TMED1: variants seen among roughly 807,000 people sequenced by gnomAD.
The protein encoded by TMED1 is transmembrane emp24 domain-containing protein 1.
In TMED1, 20 loss-of-function variants were observed where a neutral mutation model predicts 21.2. The observed-to-expected ratio is 0.95, with a 90% confidence interval of 0.67 to 1.37. The LOEUF (loss-of-function observed/expected upper bound fraction) is 1.37, where lower values mean the gene tolerates loss of function less well. TMED1 is among the 40% of genes most tolerant of loss of function. TMED1 has a pLI of 0.00. For missense variants in TMED1, 316 were observed against 309.8 expected (o/e 1.02, Z -0.15); for synonymous variants, 149 against 134.7 (o/e 1.11, Z -0.74).
chr19:10,833,270 G>A (rs1278081398), intron 3 of TMED1, 57 bp from the exon 4 acceptor site: 1 of 1,487,054 alleles, frequency 6.7e-7, no homozygotes, highest in Admixed American at 1.9e-5. Flanking sequence ...AGGGAGCAGA[G>A]ACCAAAAAAA....
Position 10,835,121 on chromosome 19 carries a change from G to C in TMED1, c.282-4C>G, listed in dbSNP as rs756845552. ...CCCGGCCTCCGTTGGCTCCACCCTG[G>C]GCAGACAGACACACAGACATGACCC... On this transcript the variant is annotated splice_region_variant and splice_polypyrimidine_tract_variant and intron_variant, in intron 2 of 3. Transcript: ENST00000214869. 6.2e-7 allele frequency: 1 copy of C among 1,612,980 alleles called. No homozygotes were observed. The highest frequency in any genetic ancestry group is 1.7e-5 in the Admixed American group (1 of 60,006).
At chr19:10,834,881 C>A (rs2073407163) in intron 3 of TMED1, 53 bp downstream of exon 3, 1 of 1,581,286 alleles carries the variant, frequency 6.3e-7, no homozygotes, top group Non-Finnish European at 8.6e-7. Context: ...GGGGGCACCC[C>A]AGGTGAATCC....
intron 1 of TMED1, chr19:10,835,789 C>A: frequency 1.0e-6 from 1 of 985,252 alleles, no homozygotes. Flanking sequence ...TGGCCCCGCC[C>A]CCTCTGGATC....
In TMED1 at chr19:10,835,063, G is replaced by A; in HGVS notation, c.336C>T (p.Ser112=). 6.2e-7 allele frequency: 1 copy of A among 1,614,238 alleles called. No homozygotes were observed. The change falls in exon 3 of 4, where the codon AGC becomes AGT. Residue 112 remains serine, a synonymous_variant. Coordinates refer to ENST00000214869, the MANE Select transcript of TMED1 (RefSeq NM_006858.4). ...AGAACACCAGCTTCTCGGAGATGGT[G>A]CTGAAGGAGTTGTCAAAGCACAGCT... ...DYKLCFDNSF[S]TISEKLVFFE...
chr19:10,833,854 C>T (rs1326754064), intron 3 of TMED1, among the ~76,000 whole-genome samples: 1 of 152,200 alleles, frequency 6.6e-6, no homozygotes, highest in Admixed American at 6.6e-5. Context: ...TATGATCACA[C>T]CACTGCACTC....
chr19:10,833,299 G>T, intron 3 of TMED1, 86 bp from the exon 4 acceptor site: 2 of 1,144,372 alleles, frequency 1.7e-6, no homozygotes, highest in Non-Finnish European at 1.3e-6. Flanking sequence ...TACGGAGGGA[G>T]GCTGTATTAA....
chr19:10,833,438 T>C (rs2073387328), intron 3 of TMED1: 4 of 584,914 alleles, frequency 6.8e-6, no homozygotes, highest in Non-Finnish European at 1.2e-5. Flanking sequence ...TCTATAAGCT[T>C]CCAAATTGCT....
chr19:10,836,013 T>C lies in TMED1; in HGVS notation c.179A>G (p.Tyr60Cys). 1 of 1,592,068 alleles carries C rather than the reference T, an allele frequency of 6.3e-7. No homozygotes were observed. The highest frequency in any genetic ancestry group is 8.5e-7 in the Non-Finnish European group (1 of 1,170,110). Residue 60 changes from tyrosine (Y) to cysteine (C), a missense_variant, in exon 1 of 4, where the codon TAC becomes TGC. Transcript: ENST00000214869. ...GCCCAGCCCGCGACCCTCTACCTGGTATTCGGTCTCGAGGCTTGCGTTGGC... is the reference window on the plus strand; with the variant it reads ...GCCCAGCCCGCGACCCTCTACCTGGCATTCGGTCTCGAGGCTTGCGTTGGC... ...APANASLETE[Y>C]QVIGGAGLDV...
In TMED1 at chr19:10,835,990, C is replaced by T. The variant is rs1476052898; in HGVS notation, c.183+19G>A. On this transcript the variant is annotated intron_variant, in intron 1 of 3. Coordinates refer to ENST00000214869, the MANE Select transcript of TMED1 (RefSeq NM_006858.4). The stretch of plus-strand genomic sequence containing the variant: ...CCCTCTCCCTGACTCTGCTGGCCGC[C>T]CAGCCCGCGACCCTCTACCTGGTAT... 1.9e-6 allele frequency: 3 copies of T among 1,558,388 alleles called. No homozygotes were observed. The highest frequency in any genetic ancestry group is 1.4e-5 in the African/African-American group (1 of 73,422).
intron 1 of TMED1, 196 bp from the exon 2 acceptor site, chr19:10,835,549 G>A (rs2073418316): frequency 6.9e-7 from 1 of 1,442,984 alleles, no homozygotes; most frequent in Non-Finnish European, 9.1e-7. Context: ...ACAGCTTGGG[G>A]TCCATACTTT....
At position 10,833,148 on chromosome 19, in the gene TMED1, G is replaced by C. The variant is rs1294910098; in HGVS notation, c.531C>G (p.Ala177=). Residue 177 remains alanine, a synonymous_variant, in exon 4 of 4, where the codon GCC becomes GCG. Transcript: ENST00000214869. ...GCAGGTTGCGGTCACGTGCCTCGAA[G>C]GCCCGCAGTAGCGTGAGCATCTGGA... is the stretch of plus-strand genomic sequence containing the variant. ...RSIQMLTLLR[A]FEARDRNLQE... 1.9e-6 allele frequency: 3 copies of C among 1,613,882 alleles called. No individual in the cohort carries two copies. The African/African-American group carries it at 4.0e-5, about 22-fold the overall frequency.
Position 10,836,132 on chromosome 19 carries a change from C to G in TMED1, c.60G>C (p.Glu20Asp), listed in dbSNP as rs1430305284. Reference protein sequence around the residue: ...LALWLLMPPVEVGGAGPPPIQ... With the variant: ...LALWLLMPPVDVGGAGPPPIQ... ...TTGGCGGGGGCCCCGCCCCTCCCAC[C>G]TCCACTGGTGGCATTAGTAGCCACA... Residue 20 changes from glutamate (E) to aspartate (D), a missense_variant, in exon 1 of 4, where the codon GAG (glutamate) becomes GAC (aspartate). Coordinates refer to ENST00000214869, the MANE Select transcript of TMED1 (RefSeq NM_006858.4). 2 of 1,568,226 alleles carry G rather than the reference C, an allele frequency of 1.3e-6. No individual in the cohort carries two copies. Among genetic ancestry groups the G allele is most frequent in the Non-Finnish European group, 8.6e-7 (1 of 1,157,876 alleles).
At chr19:10,835,176 C>T in intron 2 of TMED1, 59 bp from the exon 3 acceptor site, 2 of 1,610,994 alleles carry the variant, frequency 1.2e-6, no homozygotes, top group African/African-American at 1.3e-5. Context: ...CTCAGCGGGG[C>T]AGTCAGGGCG....
intron 1 of TMED1, 136 bp downstream of exon 1, chr19:10,835,873 C>A: frequency 7.0e-7 from 1 of 1,424,044 alleles, no homozygotes; most frequent in South Asian, 1.5e-5. Flanking sequence ...CCCATCTGTC[C>A]ATCTCTTTCT....
chr19:10,833,721 C>T (rs2073390933), intron 3 of TMED1, among the ~76,000 whole-genome samples: 1 of 152,050 alleles, frequency 6.6e-6, no homozygotes, highest in African/African-American at 2.4e-5. Context: ...CAAGACCACC[C>T]TAGCCAACAT....
intron 2 of TMED1, 60 bp from the exon 3 acceptor site, chr19:10,835,177 A>T: frequency 1.2e-6 from 2 of 1,611,440 alleles, no homozygotes; most frequent in Middle Eastern, 3.3e-4. Flanking sequence ...TCAGCGGGGC[A>T]GTCAGGGCGG....
rs2073374326 is a variant in TMED1, at chr19:10,832,808, C to A, written c.*187G>T. 1.5e-6 allele frequency: 1 copy of A among 654,030 alleles called. No homozygotes were observed. The highest frequency in any genetic ancestry group is 1.9e-5 in the South Asian group (1 of 52,228). The allele number at this position is 654,030 out of a possible 1,614,324, so 40.5% of individuals were successfully genotyped here. A position where few individuals can be genotyped will look rare whatever the true frequency, so the allele number is the denominator to read the frequency against. On this transcript the variant is annotated 3_prime_UTR_variant, in exon 4 of 4. Transcript: ENST00000214869. ...ACCGTCGGTGCAGCCACTGAGCCGT[C>A]CCTTCTACAAGCCAGAGGTGTTCCC... is the stretch of plus-strand genomic sequence containing the variant.
At chr19:10,834,851 G>C (rs768033646) in intron 3 of TMED1, 83 bp downstream of exon 3, 3 of 1,478,486 alleles carry the variant, frequency 2.0e-6, no homozygotes, top group Non-Finnish European at 2.8e-6. Flanking sequence ...ACTACGGAGG[G>C]GAGGCTGGGT....
At chr19:10,835,775 T>C (rs530398103) in intron 1 of TMED1, 7 of 1,418,640 alleles carry the variant, frequency 4.9e-6, no homozygotes, top group African/African-American at 1.4e-5. Context: ...CCTATACTTA[T>C]CGATGGCCCC....
Sources: allele counts gnomAD v4.1 joint callset (sites outside exome capture counted in the v4.1 genomes callset), GRCh38; gene constraint gnomAD v4.1.1; transcripts MANE v1.5; gene names NCBI Gene and HGNC (gene_info 2026-07-23, HGNC 2026-07-21).